The following DRC11 variants were observed in gnomAD, a reference collection of about 807,000 sequenced individuals.
DRC11 encodes dynein regulatory complex subunit 11, also known as IQ and AAA domain-containing protein 1.
the DRC11 span, among the ~76,000 whole-genome samples, chr2:236,482,105 CA>C: frequency 2.7e-5 from 4 of 147,434 alleles, no homozygotes. The surrounding 1 kb of genome is among the most constrained non-coding windows in gnomAD (Gnocchi z 4.5). Context: ...TATAATTCTA[CA>C]TATTATATGT....
chr2:236,373,809 G>A, the DRC11 span, among the ~76,000 whole-genome samples: 1,556 of 152,216 alleles, frequency 0.01, 29 homozygotes, highest in African/African-American at 0.036. Context: ...TTAAAAATGC[G>A]GTGGTTTGCT....
chr2:236,459,612 T>TAC, the DRC11 span, among the ~76,000 whole-genome samples: 2 of 139,670 alleles, frequency 1.4e-5, no homozygotes, highest in African/African-American at 2.8e-5. Context: ...TATATACGTA[T>TAC]ATAAGTATAT....
At chr2:236,331,402 G>C in the DRC11 span, 2 of 1,613,886 alleles carry the variant, frequency 1.2e-6, no homozygotes, top group Non-Finnish European at 1.7e-6. The surrounding 1 kb of genome is among the most constrained non-coding windows in gnomAD (Gnocchi z 4.8). Context: ...ATTCATGCTG[G>C]TTATCGCCGT....
the DRC11 span, among the ~76,000 whole-genome samples, chr2:236,389,261 C>G: frequency 6.6e-6 from 1 of 152,338 alleles, no homozygotes; most frequent in African/African-American, 2.4e-5. Context: ...CTCCCCCAGC[C>G]TCGCTGCCGC....
the DRC11 span, among the ~76,000 whole-genome samples, chr2:236,439,797 C>G: frequency 2.0e-5 from 3 of 151,762 alleles, no homozygotes; most frequent in Non-Finnish European, 4.4e-5. Context: ...CATTTTTTTC[C>G]AACAGATTTA....
chr2:236,399,270 G>A, the DRC11 span: 105 of 711,736 alleles, frequency 1.5e-4, no homozygotes, highest in Non-Finnish European at 2.4e-4. This position sits in a 1 kb window ranked among gnomAD's most constrained non-coding sequence, Gnocchi z 7.0. Flanking sequence ...GATTACAGGC[G>A]CAAGCCACCT....
At chr2:236,459,686 T>C in the DRC11 span, among the ~76,000 whole-genome samples, 2 of 145,610 alleles carry the variant, frequency 1.4e-5, no homozygotes, top group African/African-American at 5.0e-5. Context: ...TATATGTATA[T>C]ACATATATAC....
the DRC11 span, chr2:236,487,049 T>C: frequency 1.6e-6 from 1 of 620,428 alleles, no homozygotes. Context: ...GAATATTTTT[T>C]CTTCTGTGAT....
At chr2:236,441,006 A>G in the DRC11 span, 1 of 1,227,752 alleles carries the variant, frequency 8.1e-7, no homozygotes, top group South Asian at 1.3e-5. Context: ...GTCATTTGAT[A>G]TATTTACATT....
chr2:236,342,742 T>C, the DRC11 span, among the ~76,000 whole-genome samples: 1 of 152,278 alleles, frequency 6.6e-6, no homozygotes, highest in East Asian at 1.9e-4. This position sits in a 1 kb window ranked among gnomAD's most constrained non-coding sequence, Gnocchi z 5.8. Context: ...AGGTGGAGGA[T>C]GGCATTCATG....
At chr2:236,476,454 GTT>G in the DRC11 span, among the ~76,000 whole-genome samples, 2 of 152,072 alleles carry the variant, frequency 1.3e-5, no homozygotes, top group African/African-American at 4.8e-5. This position sits in a 1 kb window ranked among gnomAD's most constrained non-coding sequence, Gnocchi z 4.7. Context: ...AATTCTCACA[GTT>G]TTTTTATGGA....
At chr2:236,492,282 T>A in the DRC11 span, among the ~76,000 whole-genome samples, 1 of 152,312 alleles carries the variant, frequency 6.6e-6, no homozygotes, top group East Asian at 1.9e-4. Context: ...GGTACCATTT[T>A]GATGAGCAGG....
chr2:236,399,345 G>C, the DRC11 span: 2 of 1,241,968 alleles, frequency 1.6e-6, no homozygotes, highest in African/African-American at 1.5e-5. This position sits in a 1 kb window ranked among gnomAD's most constrained non-coding sequence, Gnocchi z 7.0. Flanking sequence ...GCATACAGCA[G>C]CCTCCCGTGA....
chr2:236,486,735 C>T, the DRC11 span: 1 of 851,070 alleles, frequency 1.2e-6, no homozygotes, highest in Non-Finnish European at 1.9e-6. The surrounding 1 kb of genome is among the most constrained non-coding windows in gnomAD (Gnocchi z 5.7). Flanking sequence ...ATTTTTCTTT[C>T]TTTCTTCCCT....
the DRC11 span, among the ~76,000 whole-genome samples, chr2:236,470,794 CT>C: frequency 6.3e-3 from 965 of 152,114 alleles, 15 homozygotes; most frequent in African/African-American, 0.022. The surrounding 1 kb of genome is among the most constrained non-coding windows in gnomAD (Gnocchi z 5.1). Context: ...TATGGTAAAT[CT>C]TTATCTCAGA....
the DRC11 span, among the ~76,000 whole-genome samples, chr2:236,321,158 T>A: frequency 6.6e-6 from 1 of 152,170 alleles, no homozygotes; most frequent in Non-Finnish European, 1.5e-5. Context: ...ATACTTTTAT[T>A]TATTTATTTT....
the DRC11 span, among the ~76,000 whole-genome samples, chr2:236,477,628 A>C: frequency 1.3e-5 from 2 of 152,106 alleles, no homozygotes; most frequent in Non-Finnish European, 2.9e-5. Flanking sequence ...AGTTCTTTAA[A>C]TGTTTGATGG....
the DRC11 span, among the ~76,000 whole-genome samples, chr2:236,308,671 T>A: frequency 1.3e-5 from 2 of 152,240 alleles, no homozygotes; most frequent in South Asian, 4.1e-4. This position sits in a 1 kb window ranked among gnomAD's most constrained non-coding sequence, Gnocchi z 6.0. Flanking sequence ...TCATCCATGT[T>A]GTTGAAAAGG....
At chr2:236,332,199 A>C in the DRC11 span, 1 of 154,022 alleles carries the variant, frequency 6.5e-6, no homozygotes, top group Admixed American at 6.4e-5. This position sits in a 1 kb window ranked among gnomAD's most constrained non-coding sequence, Gnocchi z 5.1. Context: ...GGTTGACTAG[A>C]GTCCTTCAGA....
Sources: allele counts gnomAD v4.1 joint callset (sites outside exome capture counted in the v4.1 genomes callset), GRCh38; gene constraint gnomAD v4.1.1; non-coding constraint Gnocchi (gnomAD v3.1); transcripts MANE v1.5; gene names NCBI Gene and HGNC (gene_info 2026-07-23, HGNC 2026-07-21).